Variants in TMEM117 observed in about 807,000 individuals in gnomAD.
The protein encoded by TMEM117 is transmembrane protein 117.
TMEM117 carries 27 observed loss-of-function variants against 52.4 expected under a neutral mutation model. The observed-to-expected ratio is 0.51, with a 90% CI of 0.38 to 0.71. The LOEUF is 0.71. Among genes scored for constraint, TMEM117 ranks in the 30% least tolerant of loss-of-function variants. The pLI, the probability that TMEM117 is intolerant of heterozygous loss-of-function variation, is 0.00. For synonymous variants in TMEM117, 215 were observed against 206.3 expected (o/e 1.04, Z -0.36); for missense variants, 556 against 630.5 (o/e 0.88, Z 1.26).
At chr12:43,942,572 G>C (rs10880598) in intron 2 of TMEM117, among the ~76,000 whole-genome samples, 1 of 151,222 alleles carries the variant, frequency 6.6e-6, no homozygotes, top group Non-Finnish European at 1.5e-5. Flanking sequence ...GCTTCTCTTG[G>C]ATAGGCCAAG....
At chr12:43,853,037 G>C (rs571507440) in intron 2 of TMEM117, among the ~76,000 whole-genome samples, 2 of 152,246 alleles carry the variant, frequency 1.3e-5, no homozygotes, top group East Asian at 3.9e-4. Flanking sequence ...TTCTAAACCT[G>C]TTAATACTGC....
intron 5 of TMEM117, among the ~76,000 whole-genome samples, chr12:44,215,517 T>C (rs1949703913): frequency 6.6e-6 from 1 of 152,190 alleles, no homozygotes; most frequent in Non-Finnish European, 1.5e-5. Flanking sequence ...GCTATATGAA[T>C]GCCTTATGCT....
intron 7 of TMEM117, among the ~76,000 whole-genome samples, chr12:44,383,374 T>A (rs1349336506): frequency 6.6e-6 from 1 of 152,126 alleles, no homozygotes; most frequent in African/African-American, 2.4e-5. Context: ...TAATGAAGAA[T>A]CCTTTTAAAA....
intron 6 of TMEM117, among the ~76,000 whole-genome samples, chr12:44,360,947 T>A (rs1951712944): frequency 6.6e-6 from 1 of 152,174 alleles, no homozygotes; most frequent in Non-Finnish European, 1.5e-5. Flanking sequence ...CCATTCTCAT[T>A]TTTATGGCTT....
At chr12:44,094,677 T>C (rs1450741809) in intron 3 of TMEM117, among the ~76,000 whole-genome samples, 1 of 152,098 alleles carries the variant, frequency 6.6e-6, no homozygotes, top group African/African-American at 2.4e-5. Context: ...AAGATAGGAA[T>C]TCCATTATCA....
At chr12:44,148,540 T>C (rs1948677854) in intron 4 of TMEM117, among the ~76,000 whole-genome samples, 2 of 152,216 alleles carry the variant, frequency 1.3e-5, no homozygotes, top group Admixed American at 1.3e-4. Context: ...AATATCTGTC[T>C]AAATATTTGA....
At chr12:43,939,963 C>CTTGTGGT (rs1428244086) in intron 2 of TMEM117, among the ~76,000 whole-genome samples, 3 of 152,276 alleles carry the variant, frequency 2.0e-5, no homozygotes, top group Middle Eastern at 3.4e-3. Flanking sequence ...ATAAAACCGT[C>CTTGTGGT]AGCTCTCATG....
intron 3 of TMEM117, among the ~76,000 whole-genome samples, chr12:43,948,893 A>G (rs898259196): frequency 2.0e-5 from 3 of 152,194 alleles, no homozygotes; most frequent in East Asian, 1.9e-4. Flanking sequence ...AAGACTAACA[A>G]CTGATTGATA....
intron 3 of TMEM117, among the ~76,000 whole-genome samples, chr12:44,028,376 AGCTG>A (rs1252289750): frequency 6.6e-6 from 1 of 152,186 alleles, no homozygotes; most frequent in East Asian, 1.9e-4. Flanking sequence ...CTTGAATAGG[AGCTG>A]GGTAAAATAA....
At chr12:43,914,493 G>A (rs1330192591) in intron 2 of TMEM117, among the ~76,000 whole-genome samples, 2 of 152,100 alleles carry the variant, frequency 1.3e-5, no homozygotes, top group Non-Finnish European at 1.5e-5. Context: ...CACTGTGCCG[G>A]GAATTCAGTG....
chr12:43,984,950 T>A (rs925897655), intron 3 of TMEM117, among the ~76,000 whole-genome samples: 6 of 152,138 alleles, frequency 3.9e-5, no homozygotes, highest in Non-Finnish European at 2.9e-5. Flanking sequence ...CCAATAGAAA[T>A]TTGAGCTGAA....
intron 3 of TMEM117, among the ~76,000 whole-genome samples, chr12:44,024,943 C>G (rs1235728799): frequency 6.6e-6 from 1 of 151,822 alleles, no homozygotes; most frequent in African/African-American, 2.4e-5. Flanking sequence ...TCATCTATTC[C>G]TAAGTGTAGG....
At chr12:44,170,273 A>G (rs904199572) in intron 4 of TMEM117, among the ~76,000 whole-genome samples, 45 of 119,058 alleles carry the variant, frequency 3.8e-4, no homozygotes, top group African/African-American at 1.3e-3. Flanking sequence ...GGTGGGGAAC[A>G]TCACACACTG....
At chr12:44,215,984 C>CCTTTCTTT (rs202099319) in intron 5 of TMEM117, among the ~76,000 whole-genome samples, 14 of 143,960 alleles carry the variant, frequency 9.7e-5, no homozygotes, top group East Asian at 2.0e-4. Context: ...GAAAGGAGCT[C>CCTTTCTTT]CTTTCTTTCT....
intron 5 of TMEM117, among the ~76,000 whole-genome samples, chr12:44,288,059 G>C (rs987229720): frequency 1.3e-5 from 2 of 152,152 alleles, no homozygotes; most frequent in Non-Finnish European, 2.9e-5. Flanking sequence ...AACTAACTGA[G>C]CCCTGGCTCT....
chr12:43,916,019 G>GA (rs1555184145), intron 2 of TMEM117, among the ~76,000 whole-genome samples: 1 of 151,944 alleles, frequency 6.6e-6, no homozygotes, highest in Non-Finnish European at 1.5e-5. Context: ...CAGGGAGAGG[G>GA]TGATGGTTGG....
At chr12:44,133,973 T>C (rs908771903) in intron 3 of TMEM117, among the ~76,000 whole-genome samples, 2 of 152,192 alleles carry the variant, frequency 1.3e-5, no homozygotes, top group Admixed American at 1.3e-4. Context: ...TAAAATACCT[T>C]TGGTCTTCAG....
intron 2 of TMEM117, among the ~76,000 whole-genome samples, chr12:43,870,465 G>T (rs1943684160): frequency 6.6e-6 from 1 of 151,942 alleles, no homozygotes; most frequent in Non-Finnish European, 1.5e-5. Flanking sequence ...CACCATGTTG[G>T]CCAGGATGGT....
intron 4 of TMEM117, among the ~76,000 whole-genome samples, chr12:44,155,301 A>G (rs1363841383): frequency 6.6e-6 from 1 of 152,126 alleles, no homozygotes. Context: ...ATTAGTAAGG[A>G]GTAAACATTG....
Sources: gnomAD v4.1 joint callset for allele counts (sites outside exome capture counted in the v4.1 genomes callset) on GRCh38, gnomAD v4.1.1 for gene constraint, MANE v1.5 for transcripts, NCBI Gene and HGNC (gene_info 2026-07-23, HGNC 2026-07-21) for gene names.